Variants in LSAMP observed in about 807,000 individuals in gnomAD.
LSAMP encodes the protein limbic system-associated membrane protein.
A neutral mutation model predicts 38.6 loss-of-function variants in LSAMP; 7 were observed. The observed-to-expected ratio is 0.18, with a 90% CI of 0.10 to 0.34. The LOEUF (loss-of-function observed/expected upper bound fraction) is 0.34. LSAMP is among the 10% of genes least tolerant of loss of function. The pLI is 1.00. For synonymous variants in LSAMP, 154 were observed against 166.8 expected (o/e 0.92, Z 0.59); for missense variants, 313 against 420.0 (o/e 0.75, Z 2.23).
intron 6 of LSAMP, among the ~76,000 whole-genome samples, chr3:115,830,134 T>A (rs1934562162): frequency 6.6e-6 from 1 of 152,090 alleles, no homozygotes. Flanking sequence ...TTAATAGAGG[T>A]GTATATGTAA....
At chr3:116,225,751 T>C (rs2046335346) in intron 1 of LSAMP, among the ~76,000 whole-genome samples, 1 of 134,742 alleles carries the variant, frequency 7.4e-6, no homozygotes, top group African/African-American at 2.6e-5. Context: ...TAGTATATTA[T>C]TGTTTTTTTT....
At chr3:115,984,898 A>G (rs1182562010) in intron 3 of LSAMP, among the ~76,000 whole-genome samples, 1 of 152,210 alleles carries the variant, frequency 6.6e-6, no homozygotes, top group Middle Eastern at 3.2e-3. Context: ...CAGAGGTGTA[A>G]GAGTGCTTCT....
intron 2 of LSAMP, among the ~76,000 whole-genome samples, chr3:116,025,950 T>G (rs575404247): frequency 1.6e-4 from 25 of 152,274 alleles, no homozygotes; most frequent in African/African-American, 6.0e-4. Flanking sequence ...AAATACACAT[T>G]TCTTTCTTTT....
chr3:116,057,967 A>ACACC (rs1553699989), intron 2 of LSAMP, among the ~76,000 whole-genome samples: 178 of 147,648 alleles, frequency 1.2e-3, no homozygotes, highest in South Asian at 4.5e-3. Context: ...CCACACACAC[A>ACACC]CACACACACA....
chr3:115,924,656 T>C (rs1218209613), intron 3 of LSAMP, among the ~76,000 whole-genome samples: 2 of 152,190 alleles, frequency 1.3e-5, no homozygotes, highest in Non-Finnish European at 2.9e-5. Context: ...GGGAGAAAGT[T>C]TGTTGTCCTG....
chr3:116,368,980 T>C (rs1174070859), intron 1 of LSAMP, among the ~76,000 whole-genome samples: 1 of 152,144 alleles, frequency 6.6e-6, no homozygotes, highest in Non-Finnish European at 1.5e-5. Context: ...CTAGAATGGG[T>C]ATGAGGTAAT....
chr3:116,030,515 T>G (rs1576319411), intron 2 of LSAMP, among the ~76,000 whole-genome samples: 2 of 152,188 alleles, frequency 1.3e-5, no homozygotes, highest in African/African-American at 4.8e-5. Flanking sequence ...CTGATTTAAG[T>G]AGATAGAATG....
chr3:115,967,929 A>T (rs754996016), intron 3 of LSAMP, among the ~76,000 whole-genome samples: 2 of 151,868 alleles, frequency 1.3e-5, no homozygotes, highest in African/African-American at 2.4e-5. Context: ...AAACCACATC[A>T]CCTCCCTTTT....
intron 2 of LSAMP, among the ~76,000 whole-genome samples, chr3:116,085,361 T>C (rs2107419039): frequency 6.6e-6 from 1 of 152,318 alleles, no homozygotes; most frequent in Non-Finnish European, 1.5e-5. Context: ...ACTACAATAA[T>C]CAATTCCATA....
At chr3:116,091,632 C>T (rs1708126513) in intron 1 of LSAMP, among the ~76,000 whole-genome samples, 1 of 152,216 alleles carries the variant, frequency 6.6e-6, no homozygotes, top group Non-Finnish European at 1.5e-5. Flanking sequence ...CGTTTGGGGT[C>T]CCTGACTTCC....
intron 1 of LSAMP, among the ~76,000 whole-genome samples, chr3:116,368,551 T>C (rs2048386521): frequency 6.6e-6 from 1 of 152,216 alleles, no homozygotes; most frequent in Non-Finnish European, 1.5e-5. Flanking sequence ...CAAAGCTGCA[T>C]GAAGAGTCTT....
At chr3:115,848,774 G>A (rs545842450) in intron 4 of LSAMP, among the ~76,000 whole-genome samples, 3 of 152,330 alleles carry the variant, frequency 2.0e-5, no homozygotes, top group Middle Eastern at 3.4e-3. Flanking sequence ...TATTTGGAGA[G>A]AGACCTGTGG....
chr3:115,870,415 A>AGG (rs1936000352), intron 3 of LSAMP, among the ~76,000 whole-genome samples: 1 of 152,182 alleles, frequency 6.6e-6, no homozygotes, highest in African/African-American at 2.4e-5. Flanking sequence ...ATTATTTTCA[A>AGG]ATAATTACAA....
chr3:116,346,899 C>T lies in LSAMP; in HGVS notation c.155+97978G>A, dbSNP rs147005817. ...CTTTGAATCCATATGTTTATTTATC[C>T]GCCAGAGTAAGATTAAATAGCACAA... is the stretch of plus-strand genomic sequence containing the variant. On this transcript the variant is annotated intron_variant, in intron 1 of 6. Transcript: ENST00000490035. 4.8e-3 allele frequency among the ~76,000 whole-genome samples: 730 copies of T among 152,190 alleles called. 3 individuals are homozygous for T. Among genetic ancestry groups the T allele is most frequent in the South Asian group, 7.3e-3 (35 of 4,808 alleles).
At chr3:116,430,602 C>T (rs950432353) in intron 1 of LSAMP, among the ~76,000 whole-genome samples, 1 of 152,036 alleles carries the variant, frequency 6.6e-6, no homozygotes, top group Non-Finnish European at 1.5e-5. Context: ...ACACCTATAT[C>T]CAAAGATATG....
At chr3:116,143,384 A>G (rs1709416927) in intron 1 of LSAMP, among the ~76,000 whole-genome samples, 2 of 152,024 alleles carry the variant, frequency 1.3e-5, no homozygotes, top group African/African-American at 4.8e-5. Flanking sequence ...AAGAATTAAT[A>G]AGACCTACTA....
At chr3:115,895,080 T>A (rs1020709808) in intron 3 of LSAMP, among the ~76,000 whole-genome samples, 4 of 152,058 alleles carry the variant, frequency 2.6e-5, no homozygotes, top group Non-Finnish European at 5.9e-5. Flanking sequence ...CACGGCCTGT[T>A]AAAAAATTCT....
chr3:116,184,864 C>T (rs1001047890), intron 1 of LSAMP, among the ~76,000 whole-genome samples: 1 of 151,746 alleles, frequency 6.6e-6, no homozygotes, highest in East Asian at 1.9e-4. Flanking sequence ...TTTCCAACAA[C>T]AGATTCTTTG....
rs573560538 is a variant in LSAMP, at chr3:116,294,808, CAA to C, written c.155+150067_155+150068del. Among the ~76,000 whole-genome samples the C allele has an allele frequency of 8.4e-4, 128 of 152,192 alleles. 1 individual carries two copies. In the Middle Eastern group the frequency reaches 0.02, roughly 24 times the overall value. ...ACATAGGTAACCTGCACTTAACTTT[CAA>C]ACCTGCTGTGATTAGGCATGGGGAA... is the stretch of plus-strand genomic sequence containing the variant. On this transcript the variant is annotated intron_variant, in intron 1 of 6. Coordinates refer to ENST00000490035, the MANE Select transcript of LSAMP (RefSeq NM_002338.5).
Sources: allele counts gnomAD v4.1 joint callset (sites outside exome capture counted in the v4.1 genomes callset), GRCh38; gene constraint gnomAD v4.1.1; transcripts MANE v1.5; gene names NCBI Gene and HGNC (gene_info 2026-07-23, HGNC 2026-07-21).